Variants in PIEZO1 observed in about 807,000 individuals in gnomAD.
PIEZO1 encodes the protein piezo-type mechanosensitive ion channel component 1.
PIEZO1 carries 296 observed loss-of-function variants against 297.2 expected under a neutral mutation model. The ratio of observed to expected loss-of-function variants is 1.00; its 90% CI spans 0.91 to 1.10. The LOEUF is 1.10. Among genes scored for constraint, PIEZO1 ranks in the 50% least tolerant of loss-of-function variants. PIEZO1 has a pLI of 0.00. For synonymous variants in PIEZO1, 2,427 were observed against 1,507.5 expected (o/e 1.61, Z -14.13); for missense variants, 5,018 against 3,455.5 (o/e 1.45, Z -11.34).
intron 46 of PIEZO1, 33 bp downstream of exon 46, chr16:88,716,773 C>A: frequency 1.3e-6 from 2 of 1,549,372 alleles, no homozygotes; most frequent in Non-Finnish European, 1.7e-6. Context: ...GCCGCCTCCC[C>A]ACACCAGCTT....
intron 1 of PIEZO1, among the ~76,000 whole-genome samples, chr16:88,756,625 G>A (rs1215361129): frequency 6.6e-6 from 1 of 152,020 alleles, no homozygotes; most frequent in African/African-American, 2.4e-5. Context: ...AAATGTATCT[G>A]GGTGTGGTGG....
At position 88,733,446 on chromosome 16, in the gene PIEZO1, C is replaced by G. The variant is rs530609184; in HGVS notation, c.2496G>C (p.Val832=). 6.5e-7 allele frequency: 1 copy of G among 1,549,182 alleles called. No homozygotes were observed. Among genetic ancestry groups the G allele is most frequent in the East Asian group, 2.4e-5 (1 of 40,874 alleles). ...ACAGCACCACCAGCAGCAGGTTCAT[C>G]ACCGACACCTGAGGGCAGTGGGCAC... The part of the protein sequence containing the change: ...TVWVALKEVS[V]MNLLLVVLWA... Residue 832 remains valine, a synonymous_variant, in exon 19 of 51, where the codon GTG becomes GTC. Coordinates refer to ENST00000301015, the MANE Select transcript of PIEZO1 (RefSeq NM_001142864.4).
chr16:88,725,833 G>C, intron 27 of PIEZO1, 149 bp from the exon 28 acceptor site: 1 of 621,748 alleles, frequency 1.6e-6, no homozygotes, highest in Non-Finnish European at 2.9e-6. Context: ...GGCATCTGCT[G>C]CCCCCACCCT....
rs536572416 is a variant in PIEZO1, at chr16:88,716,726, G to T, written c.6759C>A (p.Ala2253=). The change falls in exon 47 of 51, where the codon GCC becomes GCA. Residue 2253 remains alanine, a synonymous_variant. Transcript: ENST00000301015. The part of the protein sequence containing the change: ...LSRQFDPQPL[A]MQFISQYSPE... Reference sequence around the variant, plus strand: ...GGCTGTACTGGCTGATGAACTGCATGGCCAGCTGGGTACAAGTGACACCCT... The same window carrying T: ...GGCTGTACTGGCTGATGAACTGCATTGCCAGCTGGGTACAAGTGACACCCT... 3 of 1,548,032 alleles carry T rather than the reference G, an allele frequency of 1.9e-6. No individual in the cohort carries two copies. Among genetic ancestry groups the T allele is most frequent in the African/African-American group, 1.4e-5 (1 of 73,180 alleles).
At chr16:88,768,254 G>C (rs1284252021) in intron 1 of PIEZO1, among the ~76,000 whole-genome samples, 1 of 152,214 alleles carries the variant, frequency 6.6e-6, no homozygotes, top group African/African-American at 2.4e-5. Flanking sequence ...CCACATCCCA[G>C]CTTAGCTGCT....
intron 1 of PIEZO1, among the ~76,000 whole-genome samples, chr16:88,781,858 A>C (rs1163955215): frequency 6.6e-6 from 1 of 152,236 alleles, no homozygotes; most frequent in Non-Finnish European, 1.5e-5. Context: ...CTCATGCTAA[A>C]TGGTGACACT....
rs1447667621 is a variant in PIEZO1, at chr16:88,720,401, C to A, written c.5933G>T (p.Gly1978Val). ...CTGGCTCACCCCAAAGGCCCAGAAG[C>A]CAAAAATGATGATGATGAAGTCGAC... Reference protein sequence around the residue: ...DVVDFIIIIFGFWAFGKHSAA... With the variant: ...DVVDFIIIIFVFWAFGKHSAA... The change falls in exon 41 of 51, where the codon GGC becomes GTC. Residue 1978 changes from glycine (G) to valine (V), a missense_variant. By Grantham distance (109) the Gly-to-Val change is moderately radical (BLOSUM62 -3). Transcript: ENST00000301015. 3.9e-6 allele frequency: 6 copies of A among 1,550,232 alleles called. No individual in the cohort carries two copies. Among genetic ancestry groups the A allele is most frequent in the Non-Finnish European group, 5.2e-6 (6 of 1,146,888 alleles).
At chr16:88,773,741 G>A (rs1327055528) in intron 1 of PIEZO1, among the ~76,000 whole-genome samples, 1 of 151,554 alleles carries the variant, frequency 6.6e-6, no homozygotes, top group Non-Finnish European at 1.5e-5. Context: ...CAGGCAGGTC[G>A]GCGGAGTGGA....
intron 1 of PIEZO1, among the ~76,000 whole-genome samples, chr16:88,779,309 G>A (rs1907818775): frequency 6.6e-6 from 1 of 152,190 alleles, no homozygotes; most frequent in South Asian, 2.1e-4. Flanking sequence ...AAAGTGCTGG[G>A]ATTACAGGTG....
Position 88,735,747 on chromosome 16 carries a change from G to A in PIEZO1, c.1557+401C>T, listed in dbSNP as rs578229442. ...TGTGAACACATGGCCTGCACAGCTT[G>A]TCACTGAGACCCAGGGCTGTGCATG... On this transcript the variant is annotated intron_variant, in intron 12 of 50. Transcript: ENST00000301015. Among the ~76,000 whole-genome samples, 5 of 152,388 alleles carry A rather than the reference G, an allele frequency of 3.3e-5. No homozygotes were observed. In the East Asian group the frequency reaches 9.6e-4, roughly 29 times the overall value.
chr16:88,726,679 C>CAGCGGGG lies in PIEZO1; in HGVS notation c.3699+35_3699+36insCCCCGCT, dbSNP rs774492045. On this transcript the variant is annotated intron_variant, in intron 25 of 50. Transcript: ENST00000301015. ...GCAGGGTCAGCGGGGCCAGCGGGGC[C>CAGCGGGG]CCAGGGCGGTGGGTGCGGGGGGGCC... 581 of 1,546,656 alleles carry CAGCGGGG rather than the reference C, an allele frequency of 3.8e-4. 4 individuals are homozygous for CAGCGGGG. Among genetic ancestry groups the CAGCGGGG allele is most frequent in the Middle Eastern group, 5.2e-4 (3 of 5,812 alleles).
Position 88,725,650 on chromosome 16 carries a change from T to G in PIEZO1, c.4003A>C (p.Ser1335Arg). 1 of 1,549,286 alleles carries G rather than the reference T, an allele frequency of 6.5e-7. No individual in the cohort carries two copies. The highest frequency in any genetic ancestry group is 1.2e-5 in the South Asian group (1 of 84,048). ...FALYNAANLK[S>R]IDFHRRIEEK... ...TCTATCCTGCGGTGAAAGTCAATGC[T>G]CTTGAGGTTGGCAGCGTTGTAGAGG... The change falls in exon 28 of 51, where the codon AGC becomes CGC. Residue 1335 changes from serine (S) to arginine (R), a missense_variant. Transcript: ENST00000301015.
intron 1 of PIEZO1, among the ~76,000 whole-genome samples, chr16:88,750,024 A>G (rs1906304702): frequency 6.6e-6 from 1 of 151,148 alleles, no homozygotes. Context: ...CTCCGCCTCA[A>G]AAAGAGAAAG....
rs371197062 is a variant in PIEZO1, at chr16:88,765,429, AC to A, written c.65-15951del. 3.4e-4 allele frequency among the ~76,000 whole-genome samples: 52 copies of A among 152,156 alleles called. No individual in the cohort carries two copies. In the East Asian group the frequency reaches 8.7e-3, roughly 25 times the overall value. ...TCATGTCTGTGTACTTCTGCAGGAG[AC>A]TGGGGTCTGGTCCTAGCTCAGCCCT... On this transcript the variant is annotated intron_variant, in intron 1 of 50. Coordinates refer to ENST00000301015, the MANE Select transcript of PIEZO1 (RefSeq NM_001142864.4).
Position 88,741,480 on chromosome 16 carries a change from G to A in PIEZO1, c.463C>T (p.Leu155=), listed in dbSNP as rs192176652. The A allele has an allele frequency of 2.0e-6, 3 of 1,534,514 alleles. No homozygotes were observed. The highest frequency in any genetic ancestry group is 1.4e-5 in the African/African-American group (1 of 73,002). The change falls in exon 5 of 51, where the codon CTG becomes TTG. Residue 155 remains leucine, a splice_region_variant and synonymous_variant. Transcript: ENST00000301015. The part of the protein sequence containing the change: ...NTRQSPHPRE[L]DDDERDVDAS... Reference sequence around the variant, plus strand: ...ACGGGTGACGCAGCTGCCCTCACCAGCTCCCGTGGATGTGGGCTCTGCCGG... The same window carrying A: ...ACGGGTGACGCAGCTGCCCTCACCAACTCCCGTGGATGTGGGCTCTGCCGG...
At chr16:88,763,307 G>A (rs1369007873) in intron 1 of PIEZO1, among the ~76,000 whole-genome samples, 1 of 152,208 alleles carries the variant, frequency 6.6e-6, no homozygotes, top group Non-Finnish European at 1.5e-5. Context: ...CAAGGCAGAA[G>A]CTGGAGGTGA....
intron 1 of PIEZO1, among the ~76,000 whole-genome samples, chr16:88,769,372 G>A (rs1235441099): frequency 1.3e-5 from 2 of 152,178 alleles, no homozygotes; most frequent in Non-Finnish European, 2.9e-5. Flanking sequence ...AATAATTCTG[G>A]CTTCTGACTG....
At chr16:88,725,335 T>C (rs989304471) in intron 29 of PIEZO1, 81 bp downstream of exon 29, 18 of 905,558 alleles carry the variant, frequency 2.0e-5, no homozygotes, top group Non-Finnish European at 2.7e-5. Flanking sequence ...GGACGTCACA[T>C]GGGCACAGAC....
intron 45 of PIEZO1, 52 bp downstream of exon 45, chr16:88,716,971 G>C: frequency 6.5e-7 from 1 of 1,546,402 alleles, no homozygotes; most frequent in Non-Finnish European, 8.7e-7. Context: ...GCACCACCTT[G>C]GCCAGAACCC....
Sources: allele counts gnomAD v4.1 joint callset (sites outside exome capture counted in the v4.1 genomes callset), GRCh38; gene constraint gnomAD v4.1.1; transcripts MANE v1.5; gene names NCBI Gene and HGNC (gene_info 2026-07-23, HGNC 2026-07-21).